PRDM2: variants seen among roughly 807,000 people sequenced by gnomAD.
PRDM2 encodes PR domain zinc finger protein 2.
In PRDM2, 30 loss-of-function variants were observed where a neutral mutation model predicts 130.0. That is an observed-to-expected ratio of 0.23 (90% CI 0.17 to 0.31). PRDM2 has a LOEUF of 0.31. Among genes scored for constraint, PRDM2 ranks in the 10% least tolerant of loss-of-function variants. The pLI is 1.00. For missense variants in PRDM2, 2,011 were observed against 2,108.4 expected (o/e 0.95, Z 0.90); for synonymous variants, 871 against 782.4 (o/e 1.11, Z -1.89).
At chr1:13,741,449 G>A (rs771292277) in intron 4 of PRDM2, among the ~76,000 whole-genome samples, 3 of 152,142 alleles carry the variant, frequency 2.0e-5, no homozygotes, top group Non-Finnish European at 4.4e-5. Context: ...TGTCACCCAT[G>A]TGCCTGGTTC....
chr1:13,724,333 A>G (rs192568224), intron 2 of PRDM2, among the ~76,000 whole-genome samples: 75 of 152,270 alleles, frequency 4.9e-4, no homozygotes, highest in African/African-American at 1.6e-3. Context: ...TTTCTCCTTT[A>G]GAGATTAGCA....
intron 6 of PRDM2, among the ~76,000 whole-genome samples, chr1:13,753,763 G>A (rs1357460802): frequency 1.3e-5 from 2 of 152,152 alleles, no homozygotes; most frequent in African/African-American, 2.4e-5. Flanking sequence ...GGCAGGATGG[G>A]GATGTTTCAG....
Position 13,815,799 on chromosome 1 carries a change from C to A in PRDM2, c.5037-628C>A, listed in dbSNP as rs145055292. 5.7e-4 allele frequency among the ~76,000 whole-genome samples: 87 copies of A among 152,262 alleles called. 2 individuals are homozygous for A. The East Asian group carries it at 0.015, about 26-fold the overall frequency. ...TACAAATAGTACAAAACCATGCCCC[C>A]GAAATTCCTAGATTCACCTCTTTGG... On this transcript the variant is annotated intron_variant, in intron 8 of 9. Coordinates refer to ENST00000311066, the MANE Select transcript of PRDM2 (RefSeq NM_001393986.1).
rs140517922 is a variant in PRDM2, at chr1:13,752,003, G to A, written c.511+2516G>A. On this transcript the variant is annotated intron_variant, in intron 6 of 9. Transcript: ENST00000311066. ...CCCCATATTCATTCATTCATCTAAT[G>A]TTTATTGAGCCCCTGCTGTGTACTA... Among the ~76,000 whole-genome samples the A allele has an allele frequency of 2.0e-4, 28 of 138,750 alleles. 1 individual carries two copies. In the East Asian group the frequency reaches 5.7e-3, roughly 28 times the overall value. The allele number at this position is 138,750 out of a possible 152,430, so 91.0% of individuals were successfully genotyped here.
Position 13,779,073 on chromosome 1 carries a change from G to T in PRDM2, c.1278G>T (p.Pro426=). 1 of 1,614,170 alleles carries T rather than the reference G, an allele frequency of 6.2e-7. No individual in the cohort carries two copies. The highest frequency in any genetic ancestry group is 8.5e-7 in the Non-Finnish European group (1 of 1,180,026). ...GGAAACCCAGCCAAACACTACAGCC[G>T]TCAGAGGATCTGGCTGATGGCAAAG... ...LKRKPSQTLQ[P]SEDLADGKAS... is the part of the protein sequence containing the mutation. Residue 426 remains proline (P), a synonymous_variant, in exon 8 of 10, where the codon CCG becomes CCT. Transcript: ENST00000311066. This position sits in a 1 kb window ranked among gnomAD's most constrained non-coding sequence, Gnocchi z 4.9.
intron 2 of PRDM2, among the ~76,000 whole-genome samples, chr1:13,727,819 T>A (rs1480472872): frequency 1.3e-5 from 2 of 152,234 alleles, no homozygotes; most frequent in Non-Finnish European, 2.9e-5. Context: ...AGTGCCAGGA[T>A]CAAATTGTGA....
rs1450236153 is a variant in PRDM2, at chr1:13,730,865, C to T, written c.10-135C>T. Reference sequence around the variant, plus strand: ...CAGCTCCTCAAATGCTTGACATCATCGTTTTGGTCTGTCTTGCCAGCTTCA... The same window carrying T: ...CAGCTCCTCAAATGCTTGACATCATTGTTTTGGTCTGTCTTGCCAGCTTCA... On this transcript the variant is annotated intron_variant, in intron 2 of 9. Coordinates refer to ENST00000311066, the MANE Select transcript of PRDM2 (RefSeq NM_001393986.1). 14 of 612,572 alleles carry T rather than the reference C, an allele frequency of 2.3e-5. No individual in the cohort carries two copies. In the East Asian group the frequency reaches 3.6e-4, roughly 16 times the overall value. 37.9% of individuals were successfully genotyped at this position (612,572 alleles called of 1,614,324 possible).
chr1:13,796,081 A>G (rs1403376210), intron 8 of PRDM2, among the ~76,000 whole-genome samples: 1 of 152,132 alleles, frequency 6.6e-6, no homozygotes, highest in Non-Finnish European at 1.5e-5. Context: ...TTAAAACTAC[A>G]CTGGACTCAA....
In PRDM2 at chr1:13,779,194, A is replaced by G; in HGVS notation, c.1399A>G (p.Thr467Ala). The change falls in exon 8 of 10, where the codon ACA (threonine) becomes GCA (alanine). Residue 467 changes from threonine to alanine, a missense_variant. By Grantham distance (58) the Thr-to-Ala change is moderately conservative. Around this residue, in one of 5 missense-constraint regions of PRDM2, gnomAD observed 1,288 missense variants for 1,237.7 expected, o/e 1.04. Coordinates refer to ENST00000311066, the MANE Select transcript of PRDM2 (RefSeq NM_001393986.1). This position sits in a 1 kb window ranked among gnomAD's most constrained non-coding sequence, Gnocchi z 4.9. Reference sequence around the variant, plus strand: ...GAATTCAGAGAAGGCTTCCCAAGACACAATAAATTCTTCTGTCGTAGAAGA... The same window carrying G: ...GAATTCAGAGAAGGCTTCCCAAGACGCAATAAATTCTTCTGTCGTAGAAGA... ...IMNSEKASQD[T>A]INSSVVEENG... 6.2e-7 allele frequency: 1 copy of G among 1,614,226 alleles called. No individual in the cohort carries two copies. Among genetic ancestry groups the G allele is most frequent in the Non-Finnish European group, 8.5e-7 (1 of 1,180,034 alleles).
intron 4 of PRDM2, among the ~76,000 whole-genome samples, chr1:13,735,522 CT>C (rs949893803): frequency 3.3e-5 from 5 of 151,498 alleles, no homozygotes; most frequent in South Asian, 2.1e-4. Context: ...TTTTAGTAAG[CT>C]TTTTTTTTCT....
At chr1:13,721,334 C>G (rs1642722720) in intron 2 of PRDM2, among the ~76,000 whole-genome samples, 1 of 151,796 alleles carries the variant, frequency 6.6e-6, no homozygotes, top group African/African-American at 2.4e-5. Flanking sequence ...CCCCTTTTTT[C>G]TAATTCTAAA....
intron 8 of PRDM2, among the ~76,000 whole-genome samples, chr1:13,801,033 C>G (rs1350158509): frequency 6.6e-6 from 1 of 152,218 alleles, no homozygotes; most frequent in African/African-American, 2.4e-5. Flanking sequence ...TCCAGGAGCA[C>G]CAGGTCAAAC....
intron 1 of PRDM2, chr1:13,705,356 A>C (rs994520562): frequency 1.3e-5 from 2 of 152,218 alleles, no homozygotes; most frequent in African/African-American, 4.8e-5. Context: ...GTGTTGTGAA[A>C]TAACATGGCA....
intron 9 of PRDM2, among the ~76,000 whole-genome samples, chr1:13,819,246 C>T (rs930912739): frequency 1.2e-4 from 18 of 152,322 alleles, no homozygotes; most frequent in South Asian, 6.2e-4. Flanking sequence ...TTGGCCATGA[C>T]GAAGATGAAA....
chr1:13,738,690 CTT>C (rs1413514600), intron 4 of PRDM2: 4 of 152,120 alleles, frequency 2.6e-5, no homozygotes, highest in African/African-American at 9.7e-5. Flanking sequence ...GTTAGATTCT[CTT>C]TTATTTCCTT....
intron 8 of PRDM2, among the ~76,000 whole-genome samples, chr1:13,790,831 T>C (rs1432060623): frequency 1.3e-5 from 2 of 151,778 alleles, no homozygotes; most frequent in Non-Finnish European, 2.9e-5. Context: ...ACTTCCTCCC[T>C]CCCCCCCTTC....
chr1:13,756,978 T>TA (rs983488370), intron 6 of PRDM2, among the ~76,000 whole-genome samples: 1 of 152,270 alleles, frequency 6.6e-6, no homozygotes, highest in African/African-American at 2.4e-5. Context: ...ATCCAGTTTT[T>TA]ATGCATGATG....
intron 6 of PRDM2, among the ~76,000 whole-genome samples, chr1:13,751,110 C>CT (rs1643822100): frequency 6.6e-6 from 1 of 152,052 alleles, no homozygotes; most frequent in African/African-American, 2.4e-5. Flanking sequence ...TACTCTTTTG[C>CT]TTTTTTGTTT....
intron 6 of PRDM2, 50 bp downstream of exon 6, chr1:13,749,537 GGACGCCGCCCTGCC>G: frequency 8.5e-7 from 1 of 1,174,352 alleles, no homozygotes. Context: ...CGCCCGCCCA[GGACGCCGCCCTGCC>G]GCCCTCGCTG....
Sources: gnomAD v4.1 joint callset for allele counts (sites outside exome capture counted in the v4.1 genomes callset) on GRCh38, gnomAD v4.1.1 for gene constraint, gnomAD v4.1.1 regional missense constraint, Gnocchi (gnomAD v3.1) non-coding constraint, MANE v1.5 for transcripts, NCBI Gene and HGNC (gene_info 2026-07-23, HGNC 2026-07-21) for gene names.